The following OSGEP variants were observed in gnomAD, a reference collection of about 807,000 sequenced individuals.
OSGEP encodes O-sialoglycoprotein endopeptidase, also known as tRNA N6-adenosine threonylcarbamoyltransferase.
A neutral mutation model predicts 44.1 loss-of-function variants in OSGEP; 39 were observed. The ratio of observed to expected loss-of-function variants is 0.88; its 90% CI spans 0.69 to 1.16. OSGEP has a LOEUF of 1.16. Ranked by LOEUF, OSGEP falls within the 50% of genes most tolerant of loss-of-function variation. OSGEP has a pLI of 0.00. For missense variants in OSGEP, 403 were observed against 443.1 expected (o/e 0.91, Z 0.81); for synonymous variants, 139 against 161.9 (o/e 0.86, Z 1.07).
At position 20,454,472 on chromosome 14, in the gene OSGEP, G is replaced by A. The variant is rs1342474446; in HGVS notation, c.115+97C>T. Reference sequence around the variant, plus strand: ...ATGTCACATAATTTCAATGAGACTCGGATCGAAAGCTGCACCTCACTAGTA... The same window carrying A: ...ATGTCACATAATTTCAATGAGACTCAGATCGAAAGCTGCACCTCACTAGTA... On this transcript the variant is annotated intron_variant, in intron 1 of 10. Coordinates refer to ENST00000206542, the MANE Select transcript of OSGEP (RefSeq NM_017807.4). The A allele has an allele frequency of 1.4e-5, 12 of 859,810 alleles. No individual in the cohort carries two copies. In the East Asian group the frequency reaches 2.9e-4, roughly 21 times the overall value. The allele number at this position is 859,810 out of a possible 1,614,324, so 53.3% of individuals were successfully genotyped here.
intron 1 of OSGEP, among the ~76,000 whole-genome samples, chr14:20,452,769 G>A (rs1226945519): frequency 1.3e-5 from 2 of 151,030 alleles, no homozygotes; most frequent in African/African-American, 4.9e-5. Context: ...GGAGTGCAGT[G>A]GCACGATCTC....
In OSGEP at chr14:20,447,695, A is replaced by G. The variant is rs963179320; in HGVS notation, c.794-5T>C. 1 of 1,610,994 alleles carries G rather than the reference A, an allele frequency of 6.2e-7. No individual in the cohort carries two copies. Reference sequence around the variant, plus strand: ...TCTCCTGTAGCCTCACATTACCTACAAAGAGGCAGGGAACAGGATTAGCTT... The same window carrying G: ...TCTCCTGTAGCCTCACATTACCTACGAAGAGGCAGGGAACAGGATTAGCTT... On this transcript the variant is annotated splice_region_variant and splice_polypyrimidine_tract_variant and intron_variant, in intron 8 of 10. Transcript: ENST00000206542.
intron 1 of OSGEP, among the ~76,000 whole-genome samples, chr14:20,454,058 C>G (rs1881187493): frequency 6.6e-6 from 1 of 152,000 alleles, no homozygotes; most frequent in Non-Finnish European, 1.5e-5. Context: ...ACCAAATGTC[C>G]AAAACAAAAA....
chr14:20,453,654 C>T (rs1322169091), intron 1 of OSGEP, among the ~76,000 whole-genome samples: 1 of 152,184 alleles, frequency 6.6e-6, no homozygotes, highest in Admixed American at 6.5e-5. Context: ...AGGCGTGAGC[C>T]ACCACGCCCA....
At chr14:20,452,253 G>A in intron 2 of OSGEP, 76 bp downstream of exon 2, 1 of 1,595,670 alleles carries the variant, frequency 6.3e-7, no homozygotes, top group South Asian at 1.1e-5. Flanking sequence ...TGGTGGCAGA[G>A]GTAAGGTGTT....
chr14:20,452,544 AAG>A, intron 1 of OSGEP, 96 bp from the exon 2 acceptor site: 2 of 1,202,536 alleles, frequency 1.7e-6, no homozygotes, highest in Non-Finnish European at 2.4e-6. Context: ...GTGATGTAGT[AAG>A]AGTCCTTTCA....
At position 20,454,635 on chromosome 14, in the gene OSGEP, C is replaced by T. The variant is rs752669912; in HGVS notation, c.49G>A (p.Gly17Ser). ...AGCACCTTGCCATCCCGCACCACGCCCACGCCAATCTTATTGGCGCTGCCT... is the reference window on the plus strand; with the variant it reads ...AGCACCTTGCCATCCCGCACCACGCTCACGCCAATCTTATTGGCGCTGCCT... ...FEGSANKIGV[G>S]VVRDGKVLAN... Residue 17 changes from glycine to serine, a missense_variant, in exon 1 of 11, where the codon GGC becomes AGC. Transcript: ENST00000206542. 4 of 1,614,118 alleles carry T rather than the reference C, an allele frequency of 2.5e-6. No homozygotes were observed. In the African/African-American group the frequency reaches 5.3e-5, roughly 22 times the overall value.
chr14:20,451,553 C>T (rs3120065), intron 3 of OSGEP: 92,848 of 157,116 alleles, frequency 0.59, 27,668 homozygotes, highest in Middle Eastern at 0.63. Context: ...ATGATCCACC[C>T]GCCTCGACCT....
intron 1 of OSGEP, among the ~76,000 whole-genome samples, chr14:20,453,677 A>T (rs1246896497): frequency 2.6e-5 from 4 of 152,116 alleles, no homozygotes; most frequent in Non-Finnish European, 5.9e-5. Flanking sequence ...CGTGTTTGGT[A>T]CTTTCATCTA....
rs1881196433 is a variant in OSGEP, at chr14:20,454,299, C to A, written c.115+270G>T. 5.3e-5 allele frequency among the ~76,000 whole-genome samples: 8 copies of A among 152,266 alleles called. No homozygotes were observed. In the South Asian group the frequency reaches 1.4e-3, roughly 28 times the overall value. On this transcript the variant is annotated intron_variant, in intron 1 of 10. Coordinates refer to ENST00000206542, the MANE Select transcript of OSGEP (RefSeq NM_017807.4). ...GTTTATCATGCTGTAGTATAAACAT[C>A]TATTTATATGTCTGACTCCACAGCA... is the stretch of plus-strand genomic sequence containing the variant.
Position 20,448,729 on chromosome 14 carries a change from T to A in OSGEP, c.636+4A>T. The A allele has an allele frequency of 6.2e-7, 1 of 1,604,840 alleles. No homozygotes were observed. The highest frequency in any genetic ancestry group is 8.5e-7 in the Non-Finnish European group (1 of 1,171,534). On this transcript the variant is annotated splice_donor_region_variant and intron_variant, in intron 6 of 10. Coordinates refer to ENST00000206542, the MANE Select transcript of OSGEP (RefSeq NM_017807.4). ...GTGCCCGTCTCATCACCTCTCACAC[T>A]CACCTCAATGAAAGACAGGATCCCT...
rs762514496 is a variant in OSGEP at position 20,454,509 on chromosome 14, G to A, written c.115+60C>T. The A allele has an allele frequency of 2.6e-6, 3 of 1,134,122 alleles. 1 individual carries two copies. In the Admixed American group the frequency reaches 5.0e-5, roughly 19 times the overall value. 70.3% of individuals were successfully genotyped at this position (1,134,122 alleles called of 1,614,324 possible). ...GCACCTCACTAGTATTTAGGAAGAT[G>A]GAAGGCTGATTCTGTGCGGGGAAGT... On this transcript the variant is annotated intron_variant, in intron 1 of 10. Coordinates refer to ENST00000206542, the MANE Select transcript of OSGEP (RefSeq NM_017807.4).
chr14:20,447,861 G>T, intron 8 of OSGEP, 43 bp downstream of exon 8: 1 of 1,400,312 alleles, frequency 7.1e-7, no homozygotes, highest in Non-Finnish European at 1.0e-6. Context: ...AAGACGCATA[G>T]TGTTAAGAAT....
chr14:20,447,397 C>A (rs1880973753), intron 10 of OSGEP, 25 bp downstream of exon 10: 1 of 1,605,356 alleles, frequency 6.2e-7, no homozygotes, highest in Non-Finnish European at 8.5e-7. Context: ...AATAATCTAC[C>A]CTCACCAAGA....
At position 20,447,134 on chromosome 14, in the gene OSGEP, A is replaced by G; in HGVS notation, c.*106T>C. 1 of 917,410 alleles carries G rather than the reference A, an allele frequency of 1.1e-6. No homozygotes were observed. The allele number at this position is 917,410 out of a possible 1,614,324, so 56.8% of individuals were successfully genotyped here. A position where few individuals can be genotyped will look rare whatever the true frequency, so the allele number is the denominator to read the frequency against. ...ATAAAGGACCCCAAGCCTTGCTTGG[A>G]GTCTATAGCTTTGCTAGGACTCCCA... On this transcript the variant is annotated 3_prime_UTR_variant, in exon 11 of 11. Coordinates refer to ENST00000206542, the MANE Select transcript of OSGEP (RefSeq NM_017807.4).
Position 20,447,143 on chromosome 14 carries a change from C to A in OSGEP, c.*97G>T. On this transcript the variant is annotated 3_prime_UTR_variant, in exon 11 of 11. Coordinates refer to ENST00000206542, the MANE Select transcript of OSGEP (RefSeq NM_017807.4). ...CCCAAGCCTTGCTTGGAGTCTATAG[C>A]TTTGCTAGGACTCCCATGACATCAG... 1 of 1,017,468 alleles carries A rather than the reference C, an allele frequency of 9.8e-7. No homozygotes were observed. The allele number at this position is 1,017,468 out of a possible 1,614,324, so 63.0% of individuals were successfully genotyped here. A position where few individuals can be genotyped will look rare whatever the true frequency, so the allele number is the denominator to read the frequency against.
chr14:20,453,746 G>C (rs747681930), intron 1 of OSGEP, among the ~76,000 whole-genome samples: 2 of 152,168 alleles, frequency 1.3e-5, no homozygotes, highest in Non-Finnish European at 2.9e-5. Context: ...GACCAGGCCC[G>C]AGCGGTGGCT....
Position 20,447,115 on chromosome 14 carries a change from G to C in OSGEP, c.*125C>G. 1.3e-6 allele frequency: 1 copy of C among 795,618 alleles called. No individual in the cohort carries two copies. Among genetic ancestry groups the C allele is most frequent in the Non-Finnish European group, 2.1e-6 (1 of 469,514 alleles). 49.3% of individuals were successfully genotyped at this position (795,618 alleles called of 1,614,324 possible). A position where few individuals can be genotyped will look rare whatever the true frequency, so the allele number is the denominator to read the frequency against. ...TGAGTCATCCTGGGGTTCCATAAAG[G>C]ACCCCAAGCCTTGCTTGGAGTCTAT... On this transcript the variant is annotated 3_prime_UTR_variant, in exon 11 of 11. Coordinates refer to ENST00000206542, the MANE Select transcript of OSGEP (RefSeq NM_017807.4).
chr14:20,454,778 G>T lies in OSGEP; in HGVS notation c.-95C>A. The stretch of plus-strand genomic sequence containing the variant: ...CCGCGCTGGGCCGCAGCTTTCCGGA[G>T]CGCAGAGGAAGCTGGCCAGCCTGCA... On this transcript the variant is annotated 5_prime_UTR_variant, in exon 1 of 11. Coordinates refer to ENST00000206542, the MANE Select transcript of OSGEP (RefSeq NM_017807.4). 1.1e-6 allele frequency: 1 copy of T among 899,842 alleles called. No individual in the cohort carries two copies. The highest frequency in any genetic ancestry group is 1.7e-6 in the Non-Finnish European group (1 of 572,844). 55.7% of individuals were successfully genotyped at this position (899,842 alleles called of 1,614,324 possible).
Sources: gnomAD v4.1 joint callset for allele counts (sites outside exome capture counted in the v4.1 genomes callset) on GRCh38, gnomAD v4.1.1 for gene constraint, MANE v1.5 for transcripts, NCBI Gene and HGNC (gene_info 2026-07-23, HGNC 2026-07-21) for gene names.